UBE2G1: variants seen among roughly 807,000 people sequenced by gnomAD.
The protein encoded by UBE2G1 is ubiquitin-conjugating enzyme E2 G1.
In UBE2G1, 5 loss-of-function variants were observed where a neutral mutation model predicts 22.7. The ratio of observed to expected loss-of-function variants is 0.22; its 90% CI spans 0.12 to 0.46. UBE2G1 has a LOEUF of 0.46. Ranked by LOEUF, UBE2G1 falls within the 20% of genes least tolerant of loss-of-function variation. The pLI, the probability that UBE2G1 is intolerant of heterozygous loss-of-function variation, is 0.99. For synonymous variants in UBE2G1, 74 were observed against 67.5 expected (o/e 1.10, Z -0.47); for missense variants, 88 against 203.9 (o/e 0.43, Z 3.46).
At chr17:4,323,373 G>A (rs2143764148) in intron 1 of UBE2G1, among the ~76,000 whole-genome samples, 1 of 152,286 alleles carries the variant, frequency 6.6e-6, no homozygotes, top group Non-Finnish European at 1.5e-5. Context: ...TGCCGTTTCT[G>A]ATGCAGGATG....
intron 1 of UBE2G1, among the ~76,000 whole-genome samples, chr17:4,337,883 A>C (rs1969667334): frequency 2.0e-5 from 3 of 152,156 alleles, no homozygotes; most frequent in African/African-American, 7.2e-5. Flanking sequence ...TCTAAAACCT[A>C]GGAGCAGCCA....
intron 1 of UBE2G1, among the ~76,000 whole-genome samples, chr17:4,312,088 A>G (rs1969316644): frequency 6.6e-6 from 1 of 152,024 alleles, no homozygotes; most frequent in African/African-American, 2.4e-5. Context: ...TCTCCACTAA[A>G]AATACAAAAA....
At chr17:4,331,311 G>A (rs1319116951) in intron 1 of UBE2G1, among the ~76,000 whole-genome samples, 1 of 152,094 alleles carries the variant, frequency 6.6e-6, no homozygotes, top group Non-Finnish European at 1.5e-5. Flanking sequence ...ATCCACAGAA[G>A]CACTAATTAT....
At chr17:4,273,546 G>A (rs924940954) in intron 5 of UBE2G1, among the ~76,000 whole-genome samples, 11 of 152,044 alleles carry the variant, frequency 7.2e-5, no homozygotes, top group Non-Finnish European at 1.2e-4. Flanking sequence ...TCCTCACCAC[G>A]TCACCCAGGC....
At chr17:4,310,821 A>ATAT (rs1969301623) in intron 1 of UBE2G1, among the ~76,000 whole-genome samples, 1 of 152,210 alleles carries the variant, frequency 6.6e-6, no homozygotes, top group African/African-American at 2.4e-5. Flanking sequence ...TCGAGTATAT[A>ATAT]GTAGTCGAAA....
chr17:4,276,802 G>A (rs1288059862), intron 5 of UBE2G1, among the ~76,000 whole-genome samples: 1 of 152,196 alleles, frequency 6.6e-6, no homozygotes, highest in Non-Finnish European at 1.5e-5. Context: ...AGGGATGCAA[G>A]CTTAGACAAA....
chr17:4,336,083 T>A (rs960927045), intron 1 of UBE2G1, among the ~76,000 whole-genome samples: 1 of 151,820 alleles, frequency 6.6e-6, no homozygotes, highest in African/African-American at 2.4e-5. Flanking sequence ...GAGGTGGAGG[T>A]TGCAGTGAGC....
At chr17:4,364,071 T>C (rs1269215167) in intron 1 of UBE2G1, 1 of 147,038 alleles carries the variant, frequency 6.8e-6, no homozygotes, top group Non-Finnish European at 1.5e-5. Context: ...AAGACCAGCC[T>C]AGCCAGCACG....
intron 1 of UBE2G1, among the ~76,000 whole-genome samples, chr17:4,348,510 G>A (rs565199944): frequency 1.1e-4 from 16 of 142,940 alleles, no homozygotes; most frequent in South Asian, 2.2e-4. Flanking sequence ...CCGAGATCCC[G>A]CCACTGCACT....
At chr17:4,279,897 C>G (rs1183826738) in intron 5 of UBE2G1, among the ~76,000 whole-genome samples, 2 of 145,834 alleles carry the variant, frequency 1.4e-5, no homozygotes, top group Non-Finnish European at 3.0e-5. Flanking sequence ...AATCAACAAA[C>G]TGAAAAAGTA....
Position 4,349,842 on chromosome 17 carries a change from C to CAA in UBE2G1, c.46+16427_46+16428dup, listed in dbSNP as rs11410197. 7.4e-3 allele frequency among the ~76,000 whole-genome samples: 986 copies of CAA among 133,020 alleles called. 11 individuals are homozygous for CAA. Among genetic ancestry groups the CAA allele is most frequent in the East Asian group, 0.039 (171 of 4,396 alleles). 87.3% of individuals were successfully genotyped at this position (133,020 alleles called of 152,430 possible). On this transcript the variant is annotated intron_variant, in intron 1 of 5. Coordinates refer to ENST00000396981, the MANE Select transcript of UBE2G1 (RefSeq NM_003342.5). ...TCGGCGACAGAGCGAGATTCCGTCT[C>CAA]AAAAAAAAAAAAAATTACATTTAAC... is the stretch of plus-strand genomic sequence containing the variant.
At chr17:4,327,237 C>T (rs894460484) in intron 1 of UBE2G1, among the ~76,000 whole-genome samples, 6 of 152,096 alleles carry the variant, frequency 3.9e-5, no homozygotes, top group African/African-American at 1.4e-4. Flanking sequence ...GCAGAGGTTG[C>T]AGTGAGCCGA....
chr17:4,331,238 T>C (rs550577482), intron 1 of UBE2G1, among the ~76,000 whole-genome samples: 2 of 152,270 alleles, frequency 1.3e-5, no homozygotes, highest in East Asian at 3.9e-4. Flanking sequence ...AACTAAGAAA[T>C]GACCAGAAAT....
intron 1 of UBE2G1, among the ~76,000 whole-genome samples, chr17:4,313,092 C>T (rs1283955037): frequency 6.6e-6 from 1 of 152,154 alleles, no homozygotes; most frequent in Non-Finnish European, 1.5e-5. Flanking sequence ...AATGTTGATA[C>T]GGATACCTCA....
At chr17:4,336,002 C>T (rs1036215588) in intron 1 of UBE2G1, among the ~76,000 whole-genome samples, 3 of 151,852 alleles carry the variant, frequency 2.0e-5, no homozygotes, top group East Asian at 3.9e-4. Flanking sequence ...AAAAATTAGC[C>T]GGGCATGGTG....
chr17:4,326,125 A>G (rs1969502287), intron 1 of UBE2G1, among the ~76,000 whole-genome samples: 1 of 152,162 alleles, frequency 6.6e-6, no homozygotes, highest in Non-Finnish European at 1.5e-5. Flanking sequence ...TCTGGATCAA[A>G]ATTTAAAACT....
At chr17:4,340,970 C>CTATGAAAA (rs1415217701) in intron 1 of UBE2G1, among the ~76,000 whole-genome samples, 2 of 138,652 alleles carry the variant, frequency 1.4e-5, no homozygotes, top group African/African-American at 2.8e-5. Context: ...CTGATTAGAA[C>CTATGAAAA]TATGAAAATC....
intron 3 of UBE2G1, among the ~76,000 whole-genome samples, chr17:4,293,699 T>C (rs1598183198): frequency 6.6e-6 from 1 of 152,202 alleles, no homozygotes; most frequent in Admixed American, 6.5e-5. Context: ...TTTTTGATTA[T>C]AGGAATCCTA....
intron 1 of UBE2G1, among the ~76,000 whole-genome samples, chr17:4,327,112 A>G (rs971628244): frequency 2.6e-5 from 4 of 152,118 alleles, no homozygotes; most frequent in South Asian, 2.1e-4. Flanking sequence ...CCTGACCAAC[A>G]TGGCAAAACC....
Sources: allele counts gnomAD v4.1 joint callset (sites outside exome capture counted in the v4.1 genomes callset), GRCh38; gene constraint gnomAD v4.1.1; transcripts MANE v1.5; gene names NCBI Gene and HGNC (gene_info 2026-07-23, HGNC 2026-07-21).